Variants in PTPRM observed in about 807,000 individuals in gnomAD.
PTPRM encodes the protein protein tyrosine phosphatase receptor type M, also known as receptor-type tyrosine-protein phosphatase mu.
In PTPRM, 47 loss-of-function variants were observed where a neutral mutation model predicts 186.7. That is an observed-to-expected ratio of 0.25 (90% CI 0.20 to 0.32). The LOEUF is 0.32. PTPRM is among the 10% of genes least tolerant of loss of function. The pLI, the probability that PTPRM is intolerant of heterozygous loss-of-function variation, is 1.00. For missense variants in PTPRM, 1,494 were observed against 1,865.0 expected (o/e 0.80, Z 3.66); for synonymous variants, 668 against 674.9 (o/e 0.99, Z 0.16).
At chr18:7,776,441 T>C (rs1568115265) in intron 2 of PTPRM, among the ~76,000 whole-genome samples, 1 of 152,172 alleles carries the variant, frequency 6.6e-6, no homozygotes, top group Non-Finnish European at 1.5e-5. Context: ...TTCTGAAAAC[T>C]ATTGTTGCTC....
At chr18:7,810,880 G>T (rs1412855431) in intron 2 of PTPRM, among the ~76,000 whole-genome samples, 1 of 152,038 alleles carries the variant, frequency 6.6e-6, no homozygotes, top group Non-Finnish European at 1.5e-5. Flanking sequence ...AATTCTTTCT[G>T]CTAGGTCATA....
At chr18:8,206,340 C>T (rs1028704509) in intron 14 of PTPRM, among the ~76,000 whole-genome samples, 2 of 151,892 alleles carry the variant, frequency 1.3e-5, no homozygotes, top group Non-Finnish European at 2.9e-5. Context: ...CTGCAAGCTC[C>T]GCTTCCTGGG....
chr18:8,336,468 C>T (rs2095439522), intron 22 of PTPRM, among the ~76,000 whole-genome samples: 1 of 151,908 alleles, frequency 6.6e-6, no homozygotes, highest in Non-Finnish European at 1.5e-5. Flanking sequence ...GGGAGGATCA[C>T]TTGAATCAAG....
intron 1 of PTPRM, among the ~76,000 whole-genome samples, chr18:7,633,208 T>C (rs999574367): frequency 6.6e-6 from 1 of 152,144 alleles, no homozygotes; most frequent in African/African-American, 2.4e-5. Flanking sequence ...AATGAGATGT[T>C]GCAAAAATAA....
chr18:8,173,521 C>T (rs2093435527), intron 14 of PTPRM, among the ~76,000 whole-genome samples: 1 of 152,180 alleles, frequency 6.6e-6, no homozygotes, highest in Non-Finnish European at 1.5e-5. Flanking sequence ...GCCTGCTGCA[C>T]AGATAAAACC....
At chr18:8,295,402 G>C (rs1056109009) in intron 19 of PTPRM, among the ~76,000 whole-genome samples, 23 of 151,850 alleles carry the variant, frequency 1.5e-4, no homozygotes, top group Admixed American at 5.2e-4. Flanking sequence ...CTTCTGTTTG[G>C]GAGAGAACTG....
intron 1 of PTPRM, among the ~76,000 whole-genome samples, chr18:7,670,327 C>CA (rs548779885): frequency 2.0e-5 from 3 of 152,066 alleles, no homozygotes; most frequent in Non-Finnish European, 2.9e-5. Context: ...ACATAAAAAG[C>CA]TTATCTCTTT....
intron 1 of PTPRM, among the ~76,000 whole-genome samples, chr18:7,601,879 G>T (rs930091305): frequency 2.0e-5 from 3 of 152,098 alleles, no homozygotes; most frequent in African/African-American, 7.2e-5. Flanking sequence ...ATTTAATTTG[G>T]TAATCTGGTT....
At chr18:8,236,416 A>G (rs945583992) in intron 14 of PTPRM, among the ~76,000 whole-genome samples, 3 of 152,196 alleles carry the variant, frequency 2.0e-5, no homozygotes, top group African/African-American at 7.2e-5. Context: ...TAGTGTTAGC[A>G]TGGTACATTT....
chr18:8,071,741 C>G (rs1229429008), intron 8 of PTPRM, among the ~76,000 whole-genome samples: 1 of 152,198 alleles, frequency 6.6e-6, no homozygotes, highest in Non-Finnish European at 1.5e-5. Context: ...GGCCGCTTCT[C>G]AAGCTCGCCT....
At chr18:8,079,999 G>A (rs2090039669) in intron 9 of PTPRM, among the ~76,000 whole-genome samples, 1 of 152,064 alleles carries the variant, frequency 6.6e-6, no homozygotes, top group South Asian at 2.1e-4. Context: ...AATTCACCCA[G>A]CATGTAAGTA....
At chr18:8,186,927 G>A (rs933874511) in intron 14 of PTPRM, among the ~76,000 whole-genome samples, 2 of 151,486 alleles carry the variant, frequency 1.3e-5, no homozygotes, top group African/African-American at 2.4e-5. Flanking sequence ...GGCAAGGAGG[G>A]CCTCCCTTGG....
At chr18:7,694,771 G>T (rs2039808596) in intron 1 of PTPRM, among the ~76,000 whole-genome samples, 1 of 152,136 alleles carries the variant, frequency 6.6e-6, no homozygotes, top group East Asian at 1.9e-4. Flanking sequence ...GAAGGACCAA[G>T]ATATAAGAAT....
chr18:7,848,150 C>G (rs1161577389), intron 2 of PTPRM, among the ~76,000 whole-genome samples: 1 of 152,194 alleles, frequency 6.6e-6, no homozygotes, highest in Non-Finnish European at 1.5e-5. Context: ...GTCCTCCCCA[C>G]CAGACTGTGT....
Position 8,215,540 on chromosome 18 carries a change from CT to C in PTPRM, c.2301-28514del, listed in dbSNP as rs1417269218. Among the ~76,000 whole-genome samples, 592 of 121,864 alleles carry C rather than the reference CT, an allele frequency of 4.9e-3. 2 individuals are homozygous for C. Among genetic ancestry groups the C allele is most frequent in the African/African-American group, 0.017 (563 of 33,590 alleles). 79.9% of individuals were successfully genotyped at this position (121,864 alleles called of 152,430 possible). A position where few individuals can be genotyped will look rare whatever the true frequency, so the allele number is the denominator to read the frequency against. On this transcript the variant is annotated intron_variant, in intron 14 of 32. Coordinates refer to ENST00000580170, the MANE Select transcript of PTPRM (RefSeq NM_001105244.2). ...AGTGCTTTTTTTTCTTTCTTTCTTT[CT>C]TTTCTTTTTTTTTTTTTTTTTTTTT... is the stretch of plus-strand genomic sequence containing the variant.
At chr18:7,821,760 C>T (rs1170446713) in intron 2 of PTPRM, among the ~76,000 whole-genome samples, 3 of 152,192 alleles carry the variant, frequency 2.0e-5, no homozygotes, top group Admixed American at 2.0e-4. Context: ...GGCCTCATAA[C>T]TGAGCTGGCT....
intron 13 of PTPRM, among the ~76,000 whole-genome samples, chr18:8,135,725 C>T (rs1164345584): frequency 6.6e-6 from 1 of 152,120 alleles, no homozygotes; most frequent in African/African-American, 2.4e-5. Flanking sequence ...CTCCTAAGAC[C>T]GTGTGAGTCC....
intron 1 of PTPRM, among the ~76,000 whole-genome samples, chr18:7,711,863 C>T (rs1030606510): frequency 7.9e-5 from 12 of 152,134 alleles, no homozygotes; most frequent in Admixed American, 7.9e-4. Flanking sequence ...CCCCCATCTC[C>T]CTGGGACTCA....
chr18:8,264,052 C>A (rs977627173), intron 19 of PTPRM, among the ~76,000 whole-genome samples: 2 of 152,044 alleles, frequency 1.3e-5, no homozygotes, highest in East Asian at 1.9e-4. Flanking sequence ...GAGGCCTCAG[C>A]CTATGGGATC....
Sources: allele counts gnomAD v4.1 joint callset (sites outside exome capture counted in the v4.1 genomes callset), GRCh38; gene constraint gnomAD v4.1.1; transcripts MANE v1.5; gene names NCBI Gene and HGNC (gene_info 2026-07-23, HGNC 2026-07-21).